GAL: variants seen among roughly 807,000 people sequenced by gnomAD.
The protein encoded by GAL is galanin peptides.
GAL carries 14 observed loss-of-function variants against 15.8 expected under a neutral mutation model. The ratio of observed to expected loss-of-function variants is 0.89; its 90% confidence interval spans 0.59 to 1.39. The LOEUF is 1.39. Ranked by LOEUF, GAL falls within the 40% of genes most tolerant of loss-of-function variation. GAL has a pLI of 0.00. For missense variants in GAL, 176 were observed against 170.4 expected, an observed-to-expected ratio of 1.03 and a Z score of -0.18; for synonymous variants, 79 against 73.8, an observed-to-expected ratio of 1.07 and a Z score of -0.36.
chr11:68,685,353 C>T (rs1594273779), intron 2 of GAL, among the ~76,000 whole-genome samples: 1 of 152,276 alleles, frequency 6.6e-6, no homozygotes, highest in Admixed American at 6.5e-5. Context: ...GTCACTAAAG[C>T]AGGTGCAGTG....
Position 68,688,560 on chromosome 11 carries a change from C to T in GAL, c.224-289C>T, listed in dbSNP as rs549195885. ...TCGAGAATCACTTGAACCTGGGAGG[C>T]GGAGGTTGCAGTGAGCCAAGATCAT... On this transcript the variant is annotated intron_variant, in intron 4 of 5. Coordinates refer to ENST00000265643, the MANE Select transcript of GAL (RefSeq NM_015973.5). Among the ~76,000 whole-genome samples, 30 of 152,234 alleles carry T rather than the reference C, an allele frequency of 2.0e-4. No individual in the cohort carries two copies. In the South Asian group the frequency reaches 5.6e-3, roughly 28 times the overall value.
chr11:68,689,055 T>C (rs1332632111), intron 5 of GAL, 129 bp downstream of exon 5: 1 of 634,454 alleles, frequency 1.6e-6, no homozygotes, highest in African/African-American at 1.8e-5. Flanking sequence ...CAAAGTCCTG[T>C]TTGGCTGTGT....
intron 3 of GAL, among the ~76,000 whole-genome samples, chr11:68,686,120 G>T (rs150830448): frequency 5.6e-4 from 85 of 152,280 alleles, no homozygotes; most frequent in African/African-American, 2.0e-3. Context: ...GACCCTGCCT[G>T]CCCAAGCCTG....
chr11:68,688,646 A>C (rs556058363), intron 4 of GAL, among the ~76,000 whole-genome samples: 10 of 152,212 alleles, frequency 6.6e-5, no homozygotes, highest in Admixed American at 2.0e-4. Context: ...AAGAAGAAGA[A>C]GAAGAAAAGC....
chr11:68,688,782 G>A (rs1232886994), intron 4 of GAL, 67 bp from the exon 5 acceptor site: 5 of 791,616 alleles, frequency 6.3e-6, no homozygotes, highest in Non-Finnish European at 1.1e-5. Context: ...TCTGTAGGGA[G>A]GGGGATGACC....
Position 68,691,046 on chromosome 11 carries a change from G to C in GAL, c.*59G>C, listed in dbSNP as rs1945900680. 1.9e-6 allele frequency: 2 copies of C among 1,073,750 alleles called. No homozygotes were observed. The highest frequency in any genetic ancestry group is 1.7e-5 in the Admixed American group (1 of 59,152). The allele number at this position is 1,073,750 out of a possible 1,614,324, so 66.5% of individuals were successfully genotyped here. A position where few individuals can be genotyped will look rare whatever the true frequency, so the allele number is the denominator to read the frequency against. On this transcript the variant is annotated 3_prime_UTR_variant, in exon 6 of 6. Transcript: ENST00000265643. Reference sequence around the variant, plus strand: ...ACCTGAAGTCAAACCTTAAGATAATGGATAATCTTCGGCCAATTTATGCAG... The same window carrying C: ...ACCTGAAGTCAAACCTTAAGATAATCGATAATCTTCGGCCAATTTATGCAG...
At chr11:68,686,650 G>T (rs556966815) in intron 3 of GAL, among the ~76,000 whole-genome samples, 1 of 152,176 alleles carries the variant, frequency 6.6e-6, no homozygotes, top group African/African-American at 2.4e-5. Context: ...GCCTGAGGCC[G>T]CGTGCGGATC....
At position 68,690,916 on chromosome 11, in the gene GAL, G is replaced by T; in HGVS notation, c.302-1G>T. On this transcript the variant is annotated splice_acceptor_variant, in intron 5 of 5. Coordinates refer to ENST00000265643, the MANE Select transcript of GAL (RefSeq NM_015973.5). LOFTEE classifies it high-confidence loss of function. ...CTCAGATGTGGCTCTTCCCTTTGCA[G>T]AGGCCGGTGCCCTCGACCGCCTCCT... 1 of 1,610,102 alleles carries T rather than the reference G, an allele frequency of 6.2e-7. No individual in the cohort carries two copies. Among genetic ancestry groups the T allele is most frequent in the Non-Finnish European group, 8.5e-7 (1 of 1,176,810 alleles).
chr11:68,685,698 C>A, intron 3 of GAL, 50 bp downstream of exon 3: 1 of 1,352,042 alleles, frequency 7.4e-7, no homozygotes, highest in Non-Finnish European at 1.1e-6. Context: ...ACCTGCCCCT[C>A]GCTTTGAACC....
intron 5 of GAL, among the ~76,000 whole-genome samples, chr11:68,689,393 TTCTC>T (rs946152370): frequency 4.0e-5 from 6 of 150,270 alleles, no homozygotes; most frequent in East Asian, 1.9e-4. Flanking sequence ...TCCTCCCTCT[TTCTC>T]TCTCTCTTTC....
intron 5 of GAL, among the ~76,000 whole-genome samples, chr11:68,689,209 G>A (rs994604390): frequency 3.3e-5 from 5 of 152,188 alleles, no homozygotes; most frequent in African/African-American, 1.2e-4. Context: ...CATTCTACTG[G>A]AACCATATCT....
In GAL at chr11:68,685,018, G is replaced by T. The variant is rs1223549186; in HGVS notation, c.81+14G>T. 1 of 1,561,324 alleles carries T rather than the reference G, an allele frequency of 6.4e-7. No individual in the cohort carries two copies. Among genetic ancestry groups the T allele is most frequent in the South Asian group, 1.2e-5 (1 of 86,478 alleles). On this transcript the variant is annotated intron_variant, in intron 2 of 5. Coordinates refer to ENST00000265643, the MANE Select transcript of GAL (RefSeq NM_015973.5). ...CTCTGGTCGCCGGTAAGTGCGGGGC[G>T]CGTCTCCTCCGAGCGAAGGGGACAT...
In GAL at chr11:68,689,137, G is replaced by A. The variant is rs568003121; in HGVS notation, c.301+211G>A. Among the ~76,000 whole-genome samples the A allele has an allele frequency of 3.7e-4, 57 of 152,182 alleles. 1 individual carries two copies. The highest frequency in any genetic ancestry group is 1.2e-3 in the Admixed American group (18 of 15,296). ...GGGATTGCGGCAGGGGCATTCTACC[G>A]TCGTGGAGGGCCATCGGGCCAGCGC... On this transcript the variant is annotated intron_variant, in intron 5 of 5. Transcript: ENST00000265643.
chr11:68,684,691 C>T lies in GAL; in HGVS notation c.-42C>T. 5.0e-6 allele frequency: 2 copies of T among 402,638 alleles called. No individual in the cohort carries two copies. The highest frequency in any genetic ancestry group is 3.8e-5 in the East Asian group (1 of 26,388). 24.9% of individuals were successfully genotyped at this position (402,638 alleles called of 1,614,324 possible). A position where few individuals can be genotyped will look rare whatever the true frequency, so the allele number is the denominator to read the frequency against. ...TGCCGCCCAGACCCGCCACCGCACCCGGACCCCGACGCTCCGAACCCGGGC... is the reference window on the plus strand; with the variant it reads ...TGCCGCCCAGACCCGCCACCGCACCTGGACCCCGACGCTCCGAACCCGGGC... On this transcript the variant is annotated 5_prime_UTR_variant, in exon 1 of 6. Transcript: ENST00000265643.
At chr11:68,687,403 G>A (rs1251653410) in intron 3 of GAL, among the ~76,000 whole-genome samples, 14 of 151,416 alleles carry the variant, frequency 9.2e-5, no homozygotes, top group South Asian at 4.2e-4. Context: ...CTCCATTTTC[G>A]CACCACGAAA....
chr11:68,685,128 G>A, intron 2 of GAL, 124 bp downstream of exon 2: 2 of 673,418 alleles, frequency 3.0e-6, no homozygotes, highest in Non-Finnish European at 5.2e-6. Context: ...TGGAAAGGCG[G>A]GCGCTGTCCT....
At chr11:68,688,622 C>G (rs1945876656) in intron 4 of GAL, among the ~76,000 whole-genome samples, 1 of 151,952 alleles carries the variant, frequency 6.6e-6, no homozygotes, top group South Asian at 2.1e-4. Context: ...GAGTGAGACT[C>G]CATCTCAATT....
chr11:68,687,171 C>T (rs1027651997), intron 3 of GAL, among the ~76,000 whole-genome samples: 10 of 152,142 alleles, frequency 6.6e-5, no homozygotes, highest in African/African-American at 1.7e-4. Flanking sequence ...TGGAAATACG[C>T]GTTAATTCTC....
intron 5 of GAL, among the ~76,000 whole-genome samples, 157 bp downstream of exon 5, chr11:68,689,083 T>C (rs1317446339): frequency 6.6e-6 from 1 of 151,980 alleles, no homozygotes; most frequent in African/African-American, 2.4e-5. Context: ...TAACAGAGAA[T>C]GTAACACTAG....
Sources: gnomAD v4.1 joint callset for allele counts (sites outside exome capture counted in the v4.1 genomes callset) on GRCh38, gnomAD v4.1.1 for gene constraint, MANE v1.5 for transcripts, NCBI Gene and HGNC (gene_info 2026-07-23, HGNC 2026-07-21) for gene names.